Variants in CSNK1G3 observed in about 807,000 individuals in gnomAD.
CSNK1G3 encodes the protein casein kinase 1 gamma 3.
A neutral mutation model predicts 64.3 loss-of-function variants in CSNK1G3; 23 were observed. The ratio of observed to expected loss-of-function variants is 0.36; its 90% confidence interval spans 0.26 to 0.51. The LOEUF (loss-of-function observed/expected upper bound fraction) is 0.51. Ranked by LOEUF, CSNK1G3 falls within the 20% of genes least tolerant of loss-of-function variation. The pLI, the probability that CSNK1G3 is intolerant of heterozygous loss-of-function variation, is 0.96. For synonymous variants in CSNK1G3, 158 were observed against 162.2 expected, an observed-to-expected ratio of 0.97 and a Z score of 0.20; for missense variants, 357 against 510.5, an observed-to-expected ratio of 0.70 and a Z score of 2.90.
intron 6 of CSNK1G3, among the ~76,000 whole-genome samples, chr5:123,585,595 A>G (rs1482099589): frequency 1.3e-5 from 2 of 152,240 alleles, no homozygotes; most frequent in African/African-American, 2.4e-5. Flanking sequence ...TGTGTCCAGA[A>G]TATACAAGGA....
chr5:123,588,581 T>G (rs989548329), intron 8 of CSNK1G3, 70 bp downstream of exon 8: 13 of 977,764 alleles, frequency 1.3e-5, no homozygotes, highest in Non-Finnish European at 9.4e-6. Context: ...TTGCTTAAGT[T>G]TATACATATT....
chr5:123,513,379 C>T (rs1358446187), intron 1 of CSNK1G3, among the ~76,000 whole-genome samples: 2 of 152,012 alleles, frequency 1.3e-5, no homozygotes, highest in Non-Finnish European at 2.9e-5. Flanking sequence ...CCCCTTCTCC[C>T]ACCTCATGTT....
At chr5:123,547,269 A>C (rs574781402) in intron 2 of CSNK1G3, among the ~76,000 whole-genome samples, 15 of 152,278 alleles carry the variant, frequency 9.9e-5, no homozygotes, top group African/African-American at 3.6e-4. Context: ...TGTGAGGATT[A>C]AATTTAGATG....
At chr5:123,612,996 A>G (rs1748691145) in intron 12 of CSNK1G3, among the ~76,000 whole-genome samples, 1 of 152,170 alleles carries the variant, frequency 6.6e-6, no homozygotes. Flanking sequence ...CCTGCGCCAA[A>G]AGTAAATTCA....
intron 2 of CSNK1G3, among the ~76,000 whole-genome samples, chr5:123,551,468 C>T (rs1783632020): frequency 6.6e-6 from 1 of 151,984 alleles, no homozygotes; most frequent in Admixed American, 6.6e-5. Context: ...TCCTTTTTGC[C>T]AACTGTATTG....
At chr5:123,599,274 C>CTT (rs567635456) in intron 10 of CSNK1G3, among the ~76,000 whole-genome samples, 140 of 152,240 alleles carry the variant, frequency 9.2e-4, no homozygotes, top group African/African-American at 3.3e-3. Flanking sequence ...TTGGAAATCT[C>CTT]TTATAGTTGT....
At chr5:123,592,173 AGAAT>A (rs1271065298) in intron 10 of CSNK1G3, among the ~76,000 whole-genome samples, 2 of 152,110 alleles carry the variant, frequency 1.3e-5, no homozygotes, top group Non-Finnish European at 2.9e-5. Context: ...ATGAACCTAA[AGAAT>A]GAATGGAGTT....
chr5:123,535,016 C>G (rs1015825477), intron 1 of CSNK1G3, among the ~76,000 whole-genome samples: 2 of 152,128 alleles, frequency 1.3e-5, no homozygotes, highest in African/African-American at 4.8e-5. Flanking sequence ...AGTCCACTTT[C>G]TCTATTGGTT....
At chr5:123,565,997 T>G (rs1225368552) in intron 4 of CSNK1G3, among the ~76,000 whole-genome samples, 2 of 152,204 alleles carry the variant, frequency 1.3e-5, no homozygotes, top group Admixed American at 6.5e-5. Flanking sequence ...TTTTACATTT[T>G]ACATGAAGAA....
chr5:123,562,147 C>T (rs1163845493), intron 4 of CSNK1G3, among the ~76,000 whole-genome samples: 1 of 152,038 alleles, frequency 6.6e-6, no homozygotes, highest in Non-Finnish European at 1.5e-5. Context: ...TATTCTTTCT[C>T]GAATATCTTT....
chr5:123,571,157 G>C (rs143288508), intron 4 of CSNK1G3, among the ~76,000 whole-genome samples: 1 of 152,232 alleles, frequency 6.6e-6, no homozygotes, highest in African/African-American at 2.4e-5. Flanking sequence ...GTGTTTGCAG[G>C]GGGTGGTGAT....
intron 1 of CSNK1G3, among the ~76,000 whole-genome samples, chr5:123,523,652 T>C (rs1178570197): frequency 6.6e-6 from 1 of 152,188 alleles, no homozygotes; most frequent in Non-Finnish European, 1.5e-5. Flanking sequence ...TTTAGAATTA[T>C]TCTGGATTCA....
intron 6 of CSNK1G3, among the ~76,000 whole-genome samples, chr5:123,586,808 T>C (rs1423751389): frequency 6.6e-6 from 1 of 152,220 alleles, no homozygotes; most frequent in African/African-American, 2.4e-5. Flanking sequence ...GATAAAGTTA[T>C]ACCTGAGACT....
At chr5:123,604,817 A>T in exon 11 of CSNK1G3, 1 of 1,607,698 alleles carries the variant, frequency 6.2e-7, no homozygotes, top group South Asian at 1.1e-5. Flanking sequence ...AGTAGAAGTG[A>T]TGGATGAAAC....
chr5:123,609,105 A>G (rs1795865958), intron 12 of CSNK1G3, among the ~76,000 whole-genome samples: 1 of 152,178 alleles, frequency 6.6e-6, no homozygotes, highest in African/African-American at 2.4e-5. Context: ...GCAGGCAGAG[A>G]ATATATGAAC....
chr5:123,590,943 T>C (rs925378037), intron 9 of CSNK1G3, among the ~76,000 whole-genome samples: 2 of 152,058 alleles, frequency 1.3e-5, no homozygotes, highest in African/African-American at 4.8e-5. Context: ...GTTTTTTTAT[T>C]CTTTTAATTT....
chr5:123,573,101 A>C (rs770880120), intron 4 of CSNK1G3, among the ~76,000 whole-genome samples: 10 of 152,192 alleles, frequency 6.6e-5, no homozygotes, highest in Non-Finnish European at 1.5e-4. Flanking sequence ...TATAAAGCTA[A>C]AAAGCCCAGC....
exon 2 of CSNK1G3, chr5:123,545,542 A>T (rs996471614): frequency 1.4e-6 from 1 of 738,304 alleles, no homozygotes; most frequent in Non-Finnish European, 2.1e-6. Flanking sequence ...ACCTACTGCA[A>T]TTTGAATGTT....
chr5:123,554,166 C>T (rs1336688634), intron 3 of CSNK1G3, among the ~76,000 whole-genome samples: 1 of 152,116 alleles, frequency 6.6e-6, no homozygotes, highest in Admixed American at 6.6e-5. Context: ...TGTTTATTTT[C>T]ACTTGAAATA....
Sources: gnomAD v4.1 joint callset for allele counts (sites outside exome capture counted in the v4.1 genomes callset) on GRCh38, gnomAD v4.1.1 for gene constraint, MANE v1.5 for transcripts, NCBI Gene and HGNC (gene_info 2026-07-23, HGNC 2026-07-21) for gene names.